The following TRAF3IP1 variants were observed in gnomAD, a reference collection of about 807,000 sequenced individuals.
TRAF3IP1 encodes the protein TRAF3-interacting protein 1.
TRAF3IP1 carries 53 observed loss-of-function variants against 89.9 expected under a neutral mutation model. The ratio of observed to expected loss-of-function variants is 0.59; its 90% CI spans 0.47 to 0.74. TRAF3IP1 has a LOEUF of 0.74. Among genes scored for constraint, TRAF3IP1 ranks in the 30% least tolerant of loss-of-function variants. TRAF3IP1 has a pLI of 0.00. For missense variants in TRAF3IP1, 806 were observed against 866.1 expected, an observed-to-expected ratio of 0.93 and a Z score of 0.87; for synonymous variants, 311 against 322.1, an observed-to-expected ratio of 0.97 and a Z score of 0.37.
chr2:238,378,470 A>G (rs1700411299), intron 15 of TRAF3IP1, among the ~76,000 whole-genome samples: 1 of 152,188 alleles, frequency 6.6e-6, no homozygotes. Context: ...TAGACTTCCT[A>G]ATGTTGAACA....
At chr2:238,333,625 A>G (rs777293787) in intron 6 of TRAF3IP1, among the ~76,000 whole-genome samples, 1 of 152,244 alleles carries the variant, frequency 6.6e-6, no homozygotes, top group Admixed American at 6.5e-5. Flanking sequence ...TTACAAGTGC[A>G]TTTAAGTAAT....
chr2:238,376,615 T>C (rs1004670689), intron 15 of TRAF3IP1, among the ~76,000 whole-genome samples: 27 of 152,380 alleles, frequency 1.8e-4, no homozygotes, highest in African/African-American at 5.8e-4. Flanking sequence ...TAAAGTCTTT[T>C]AGTGAATGTT....
intron 7 of TRAF3IP1, among the ~76,000 whole-genome samples, chr2:238,335,025 T>C (rs930788304): frequency 9.2e-5 from 14 of 152,240 alleles, no homozygotes; most frequent in African/African-American, 3.4e-4. Context: ...GACCTGCCTG[T>C]TCTTTGGTTT....
chr2:238,341,546 TAAA>T (rs75778043), intron 8 of TRAF3IP1, among the ~76,000 whole-genome samples: 271 of 137,564 alleles, frequency 2.0e-3, no homozygotes, highest in African/African-American at 6.9e-3. Context: ...TTTTTTTTTT[TAAA>T]AAAAAAACAC....
chr2:238,371,832 GTTTC>G (rs1180256977), intron 15 of TRAF3IP1, among the ~76,000 whole-genome samples: 10 of 152,220 alleles, frequency 6.6e-5, no homozygotes, highest in South Asian at 6.2e-4. Flanking sequence ...AATTTCATCT[GTTTC>G]TTTTTACTTT....
rs760740888 is a variant in TRAF3IP1 at position 238,356,083 on chromosome 2, A to G, written c.1689+3A>G. On this transcript the variant is annotated splice_donor_region_variant and intron_variant, in intron 15 of 16. Coordinates refer to ENST00000373327, the MANE Select transcript of TRAF3IP1 (RefSeq NM_015650.4). ...AGTCACCCAAACCTGGGGAGAAGGT[A>G]ATGGAATGATTTCCATAAACACTGG... The G allele has an allele frequency of 1.4e-5, 22 of 1,611,128 alleles. No individual in the cohort carries two copies. The Admixed American group carries it at 3.0e-4, about 22-fold the overall frequency.
chr2:238,368,604 T>A (rs1699980775), intron 15 of TRAF3IP1, among the ~76,000 whole-genome samples: 1 of 152,202 alleles, frequency 6.6e-6, no homozygotes, highest in African/African-American at 2.4e-5. Flanking sequence ...TTTTCAGGAA[T>A]ATTCTTAAAT....
chr2:238,361,990 C>T lies in TRAF3IP1; in HGVS notation c.1689+5910C>T, dbSNP rs540345167. Among the ~76,000 whole-genome samples the T allele has an allele frequency of 3.1e-4, 47 of 152,308 alleles. 1 individual carries two copies. In the South Asian group the frequency reaches 8.1e-3, roughly 26 times the overall value. On this transcript the variant is annotated intron_variant, in intron 15 of 16. Coordinates refer to ENST00000373327, the MANE Select transcript of TRAF3IP1 (RefSeq NM_015650.4). ...AGGCCGCTGGCTCTCCACCTTCATC[C>T]GAGTTGCCTGAGTTGCCCTCGGCAG...
At position 238,397,485 on chromosome 2, in the gene TRAF3IP1, G is replaced by A. The variant is rs777890791; in HGVS notation, c.1716G>A (p.Trp572Ter). 1 of 1,613,022 alleles carries A rather than the reference G, an allele frequency of 6.2e-7. No homozygotes were observed. Among genetic ancestry groups the A allele is most frequent in the Non-Finnish European group, 8.5e-7 (1 of 1,179,910 alleles). ...EKERSLFESA[W>*]KKEKDIVSKE... ...AGCGATCTCTCTTTGAGTCGGCATGGAAGAAGGAGAAGGACATCGTTTCCA... is the reference window on the plus strand; with the variant it reads ...AGCGATCTCTCTTTGAGTCGGCATGAAAGAAGGAGAAGGACATCGTTTCCA... Residue 572 changes from tryptophan (W) to a stop codon, truncating the protein, a stop_gained, in exon 16 of 17, where the codon TGG becomes TGA. Transcript: ENST00000373327. LOFTEE classifies it high-confidence loss of function.
chr2:238,344,601 A>G lies in TRAF3IP1; in HGVS notation c.1261+3A>G. On this transcript the variant is annotated splice_donor_region_variant and intron_variant, in intron 9 of 16. Transcript: ENST00000373327. ...CAACCCCACAGAGAAGCAGAAAGGT[A>G]AGAATGGTCCAGTTTCGCCCTTTCC... The G allele has an allele frequency of 6.2e-7, 1 of 1,613,486 alleles. No homozygotes were observed. The highest frequency in any genetic ancestry group is 8.5e-7 in the Non-Finnish European group (1 of 1,179,396).
At chr2:238,386,304 C>G in intron 15 of TRAF3IP1, among the ~76,000 whole-genome samples, 1 of 152,024 alleles carries the variant, frequency 6.6e-6, no homozygotes, top group East Asian at 1.9e-4. Context: ...AAATATAACT[C>G]TTAAACATTT....
At chr2:238,386,060 A>G (rs182769082) in intron 15 of TRAF3IP1, among the ~76,000 whole-genome samples, 46 of 152,358 alleles carry the variant, frequency 3.0e-4, no homozygotes, top group African/African-American at 1.1e-3. Context: ...GGTCTTCGGT[A>G]TGTCTGAAGA....
At chr2:238,370,795 C>G (rs1289014029) in intron 15 of TRAF3IP1, among the ~76,000 whole-genome samples, 1 of 152,060 alleles carries the variant, frequency 6.6e-6, no homozygotes, top group African/African-American at 2.4e-5. Flanking sequence ...GCCAGTTGAA[C>G]AGAAGTTAGA....
Position 238,345,525 on chromosome 2 carries a change from G to A in TRAF3IP1, c.1261+927G>A, listed in dbSNP as rs960880913. Among the ~76,000 whole-genome samples the A allele has an allele frequency of 1.3e-5, 2 of 152,248 alleles. No individual in the cohort carries two copies. The highest frequency in any genetic ancestry group is 2.4e-5 in the African/African-American group (1 of 41,452). ...CAGCTTATGGAGTTTAGCCTTTATT[G>A]GAAGAGCAGCGGGAGGCTAATTATA... On this transcript the variant is annotated intron_variant, in intron 9 of 16. Transcript: ENST00000373327. This position sits in a 1 kb window ranked among gnomAD's most constrained non-coding sequence, Gnocchi z 4.7.
intron 8 of TRAF3IP1, among the ~76,000 whole-genome samples, chr2:238,339,480 A>G (rs1698535074): frequency 6.6e-6 from 1 of 152,234 alleles, no homozygotes; most frequent in Non-Finnish European, 1.5e-5. Flanking sequence ...GGCACACTGC[A>G]ATCCTGCACT....
At chr2:238,329,715 A>G (rs1434800644) in intron 5 of TRAF3IP1, among the ~76,000 whole-genome samples, 1 of 152,200 alleles carries the variant, frequency 6.6e-6, no homozygotes, top group Non-Finnish European at 1.5e-5. Context: ...AGTCTGATAG[A>G]GTGTCTGACA....
intron 12 of TRAF3IP1, among the ~76,000 whole-genome samples, chr2:238,352,576 G>A (rs1276792202): frequency 6.6e-6 from 1 of 152,062 alleles, no homozygotes; most frequent in Non-Finnish European, 1.5e-5. Flanking sequence ...AGGAGGCCTG[G>A]GCAGCACAGG....
At chr2:238,356,111 T>C (rs1328352319) in intron 15 of TRAF3IP1, 31 bp downstream of exon 15, 16 of 1,526,286 alleles carry the variant, frequency 1.0e-5, no homozygotes, top group African/African-American at 1.4e-5. Context: ...AACACTGGCA[T>C]TTTAGCAGTC....
chr2:238,362,979 C>G (rs1699726917), intron 15 of TRAF3IP1, among the ~76,000 whole-genome samples: 1 of 152,218 alleles, frequency 6.6e-6, no homozygotes, highest in African/African-American at 2.4e-5. Flanking sequence ...TTATTTCATT[C>G]ATGTCTTACA....
Sources: gnomAD v4.1 joint callset for allele counts (sites outside exome capture counted in the v4.1 genomes callset) on GRCh38, gnomAD v4.1.1 for gene constraint, Gnocchi (gnomAD v3.1) non-coding constraint, MANE v1.5 for transcripts, NCBI Gene and HGNC (gene_info 2026-07-23, HGNC 2026-07-21) for gene names.